STIM1: variants seen among roughly 807,000 people sequenced by gnomAD.
The protein encoded by STIM1 is stromal interaction molecule 1.
A neutral mutation model predicts 74.7 loss-of-function variants in STIM1; 25 were observed. That is an observed-to-expected ratio of 0.33 (90% CI 0.24 to 0.47). STIM1 has a LOEUF of 0.47. STIM1 is among the 20% of genes least tolerant of loss of function. The probability of loss-of-function intolerance (pLI) is 1.00; values close to 1 mark genes in which losing one functional copy is unlikely to be tolerated. For synonymous variants in STIM1, 328 were observed against 348.8 expected (o/e 0.94, Z 0.66); for missense variants, 728 against 920.8 (o/e 0.79, Z 2.71).
At chr11:3,878,858 T>TC (rs2091393475) in intron 1 of STIM1, among the ~76,000 whole-genome samples, 1 of 152,280 alleles carries the variant, frequency 6.6e-6, no homozygotes, top group East Asian at 1.9e-4. Context: ...CTGCCTATCT[T>TC]CCCCCGACAG....
At chr11:3,989,504 CGG>C in intron 2 of STIM1, 1 of 599,474 alleles carries the variant, frequency 1.7e-6, no homozygotes, top group Non-Finnish European at 3.1e-6. Context: ...CTGTGAGCCG[CGG>C]CGCACCGAGA....
chr11:3,993,549 G>A (rs1039610063), intron 2 of STIM1, among the ~76,000 whole-genome samples: 9 of 152,108 alleles, frequency 5.9e-5, no homozygotes, highest in African/African-American at 1.7e-4. Context: ...TCAGCTACTC[G>A]AGAGGCTCAG....
At chr11:3,957,298 G>T (rs1048227445) in intron 1 of STIM1, among the ~76,000 whole-genome samples, 2 of 152,016 alleles carry the variant, frequency 1.3e-5, no homozygotes, top group South Asian at 2.1e-4. Flanking sequence ...GCTCTGTTGC[G>T]CAGGCTGGAG....
intron 3 of STIM1, among the ~76,000 whole-genome samples, chr11:4,038,643 A>C (rs1590666050): frequency 6.6e-6 from 1 of 152,138 alleles, no homozygotes; most frequent in African/African-American, 2.4e-5. Context: ...TGGGAGGGGT[A>C]ATTTTAATTC....
intron 4 of STIM1, among the ~76,000 whole-genome samples, chr11:4,057,830 A>T (rs1193377043): frequency 6.6e-6 from 1 of 151,386 alleles, no homozygotes; most frequent in African/African-American, 2.4e-5. Context: ...AGATCGCGCC[A>T]CTGCACTCCA....
intron 2 of STIM1, among the ~76,000 whole-genome samples, chr11:4,022,783 A>G (rs1383225976): frequency 6.6e-6 from 1 of 152,198 alleles, no homozygotes; most frequent in African/African-American, 2.4e-5. Context: ...TTTCCACATG[A>G]TATCTCCAGC....
At chr11:3,951,525 A>T (rs2093148233) in intron 1 of STIM1, among the ~76,000 whole-genome samples, 1 of 152,138 alleles carries the variant, frequency 6.6e-6, no homozygotes, top group South Asian at 2.1e-4. Context: ...ACTGGAATCC[A>T]CATTGTTTTT....
At chr11:3,991,573 A>G (rs1482171307) in intron 2 of STIM1, among the ~76,000 whole-genome samples, 1 of 152,024 alleles carries the variant, frequency 6.6e-6, no homozygotes, top group Non-Finnish European at 1.5e-5. Flanking sequence ...TAGTAGAATA[A>G]TTTATTTTCC....
chr11:4,054,048 G>T (rs1360317909), intron 3 of STIM1, among the ~76,000 whole-genome samples: 1 of 152,194 alleles, frequency 6.6e-6, no homozygotes, highest in African/African-American at 2.4e-5. Flanking sequence ...GTGCCATCGA[G>T]CAACTGAATT....
intron 2 of STIM1, among the ~76,000 whole-genome samples, chr11:3,994,883 G>C (rs751331189): frequency 1.3e-5 from 2 of 151,916 alleles, no homozygotes; most frequent in Non-Finnish European, 2.9e-5. Flanking sequence ...AGTCTCTCTT[G>C]AAGTTTGCTA....
At position 3,895,678 on chromosome 11, in the gene STIM1, C is replaced by CTTT. The variant is rs1565104891; in HGVS notation, c.139+39269_139+39270insTTT. Reference sequence around the variant, plus strand: ...TCTTTCTTTCTTTCTTTCTTTCCTTCCTTCCTTCTTTCTTTCTTTCTTTCT... The same window carrying CTTT: ...TCTTTCTTTCTTTCTTTCTTTCCTTCTTTCTTCCTTCTTTCTTTCTTTCTTTCT... On this transcript the variant is annotated intron_variant, in intron 1 of 12. Coordinates refer to ENST00000526596, the MANE Select transcript of STIM1 (RefSeq NM_001382567.1). Among the ~76,000 whole-genome samples the CTTT allele has an allele frequency of 7.3e-4, 39 of 53,160 alleles. 5 individuals carry two copies. Among genetic ancestry groups the CTTT allele is most frequent in the African/African-American group, 1.9e-3 (17 of 8,902 alleles). 34.9% of individuals were successfully genotyped at this position (53,160 alleles called of 152,430 possible). A position where few individuals can be genotyped will look rare whatever the true frequency, so the allele number is the denominator to read the frequency against.
intron 3 of STIM1, among the ~76,000 whole-genome samples, chr11:4,026,355 A>G (rs2093997661): frequency 6.6e-6 from 1 of 152,264 alleles, no homozygotes; most frequent in Non-Finnish European, 1.5e-5. Flanking sequence ...AGCAGCAACG[A>G]CAAAAACTGA....
At chr11:4,078,900 G>C (rs1361429331) in intron 7 of STIM1, among the ~76,000 whole-genome samples, 3 of 151,866 alleles carry the variant, frequency 2.0e-5, no homozygotes. Context: ...AACTATTTAG[G>C]ACCTCAAAGA....
intron 1 of STIM1, among the ~76,000 whole-genome samples, chr11:3,912,645 T>C (rs936407147): frequency 1.6e-4 from 24 of 152,268 alleles, no homozygotes; most frequent in African/African-American, 5.5e-4. Flanking sequence ...GGATTACAGG[T>C]GTGAGCCACC....
intron 1 of STIM1, among the ~76,000 whole-genome samples, chr11:3,963,350 G>C (rs959662186): frequency 6.6e-6 from 1 of 152,238 alleles, no homozygotes; most frequent in Non-Finnish European, 1.5e-5. Context: ...TTGGTTTTCT[G>C]TTCCTGTGTT....
At chr11:3,896,254 A>G (rs1409584333) in intron 1 of STIM1, among the ~76,000 whole-genome samples, 4 of 152,168 alleles carry the variant, frequency 2.6e-5, no homozygotes, top group African/African-American at 9.7e-5. Context: ...GGAAAGGAGA[A>G]TGGTAAATAC....
chr11:4,031,918 T>C (rs2094053890), intron 3 of STIM1, among the ~76,000 whole-genome samples: 1 of 152,238 alleles, frequency 6.6e-6, no homozygotes, highest in Non-Finnish European at 1.5e-5. Context: ...GATCATGCTT[T>C]TGGTATTGTA....
intron 2 of STIM1, among the ~76,000 whole-genome samples, chr11:4,015,029 G>C (rs2093882106): frequency 6.6e-6 from 1 of 152,066 alleles, no homozygotes; most frequent in African/African-American, 2.4e-5. Context: ...TCTTTTAATT[G>C]GGGCATTTAG....
chr11:3,987,321 G>C (rs115686491), intron 2 of STIM1, among the ~76,000 whole-genome samples: 3,098 of 152,282 alleles, frequency 0.02, 108 homozygotes, highest in African/African-American at 0.071. Flanking sequence ...TGACACAGTG[G>C]TAAGTGGCAG....
Sources: gnomAD v4.1 joint callset for allele counts (sites outside exome capture counted in the v4.1 genomes callset) on GRCh38, gnomAD v4.1.1 for gene constraint, MANE v1.5 for transcripts, NCBI Gene and HGNC (gene_info 2026-07-23, HGNC 2026-07-21) for gene names.